TK2: variants seen among roughly 807,000 people sequenced by gnomAD.
The protein encoded by TK2 is thymidine kinase 2, mitochondrial.
Under a neutral mutation model 41.9 loss-of-function variants are expected in TK2, and 35 were observed. The observed-to-expected ratio is 0.84, with a 90% CI of 0.64 to 1.11. The LOEUF (loss-of-function observed/expected upper bound fraction) is 1.11, where lower values mean the gene tolerates loss of function less well. Among genes scored for constraint, TK2 ranks in the 50% least tolerant of loss-of-function variants. The pLI is 0.00. For synonymous variants in TK2, 128 were observed against 129.1 expected (o/e 0.99, Z 0.06); for missense variants, 320 against 351.1 (o/e 0.91, Z 0.71).
At chr16:66,531,259 G>C in intron 5 of TK2, 121 bp downstream of exon 5, 1 of 944,312 alleles carries the variant, frequency 1.1e-6, no homozygotes, top group South Asian at 1.4e-5. Context: ...CACACAGAGA[G>C]GCCTGCACAG....
In TK2 at chr16:66,533,876, T is replaced by C. The variant is rs184387597; in HGVS notation, c.286-2407A>G. On this transcript the variant is annotated intron_variant, in intron 4 of 9. Transcript: ENST00000544898. ...ACAAAAAATTAGCCAGGTGTGGTGGTGGGCGCCTGTAGTCCCAGCTACTCG... is the reference window on the plus strand; with the variant it reads ...ACAAAAAATTAGCCAGGTGTGGTGGCGGGCGCCTGTAGTCCCAGCTACTCG... Among the ~76,000 whole-genome samples the C allele has an allele frequency of 2.9e-3, 447 of 151,590 alleles. 2 individuals are homozygous for C. The highest frequency in any genetic ancestry group is 5.3e-3 in the Admixed American group (81 of 15,230).
rs187517309 is a variant in TK2, at chr16:66,541,869, G to A, written c.231+10C>T. ...CTCCGCTTCCTTCAAACCTAGCATA[G>A]AGGCTGTACCTCGACGTCTGTCGCG... On this transcript the variant is annotated intron_variant, in intron 3 of 9. Coordinates refer to ENST00000544898, the MANE Select transcript of TK2 (RefSeq NM_004614.5). 11,929 of 1,613,988 alleles carry A rather than the reference G, an allele frequency of 7.4e-3. 75 individuals carry two copies. The highest frequency in any genetic ancestry group is 9.0e-3 in the Non-Finnish European group (10,662 of 1,179,892).
In TK2 at chr16:66,531,441, C is replaced by T. The variant is rs761860999; in HGVS notation, c.314G>A (p.Trp105Ter). 1.9e-6 allele frequency: 3 copies of T among 1,614,204 alleles called. No individual in the cohort carries two copies. Among genetic ancestry groups the T allele is most frequent in the Non-Finnish European group, 2.5e-6 (3 of 1,180,042 alleles). Residue 105 changes from tryptophan to a stop codon, truncating the protein, a stop_gained, in exon 5 of 10, where the codon TGG (tryptophan) becomes TAG (stop). Transcript: ENST00000544898. LOFTEE classifies it high-confidence loss of function. ...CACATAAGTCTGTAGCGTAAGACCC[C>T]AGCGAGAGGCATCGTGGTACATCAG... is the stretch of plus-strand genomic sequence containing the variant. ...LGLMYHDASR[W>*]GLTLQTYVQL...
chr16:66,514,668 G>A lies in TK2; in HGVS notation c.619-857C>T, dbSNP rs1490890367. ...GCCCGGCCACCACCCCGTCTGGGAG[G>A]TGTACCCAATAGCTCATTGAGAACG... On this transcript the variant is annotated intron_variant, in intron 8 of 9. Coordinates refer to ENST00000544898, the MANE Select transcript of TK2 (RefSeq NM_004614.5). The surrounding 1 kb of genome is among the most constrained non-coding windows in gnomAD (Gnocchi z 4.2). Among the ~76,000 whole-genome samples, 1 of 151,686 alleles carries A rather than the reference G, an allele frequency of 6.6e-6. No homozygotes were observed. Among genetic ancestry groups the A allele is most frequent in the Non-Finnish European group, 1.5e-5 (1 of 67,846 alleles).
At chr16:66,520,772 C>G (rs998803149) in intron 6 of TK2, among the ~76,000 whole-genome samples, 2 of 152,184 alleles carry the variant, frequency 1.3e-5, no homozygotes, top group African/African-American at 4.8e-5. Flanking sequence ...TTCAGGCTAC[C>G]CTGAGTTGGG....
intron 2 of TK2, among the ~76,000 whole-genome samples, chr16:66,542,193 C>G (rs187135616): frequency 6.6e-6 from 1 of 152,260 alleles, no homozygotes; most frequent in African/African-American, 2.4e-5. Context: ...TCCTCCTTTA[C>G]GTCAACTCCT....
chr16:66,531,384 G>A lies in TK2; in HGVS notation c.371C>T (p.Pro124Leu). The A allele has an allele frequency of 6.2e-7, 1 of 1,614,156 alleles. No homozygotes were observed. Among genetic ancestry groups the A allele is most frequent in the South Asian group, 1.1e-5 (1 of 91,084 alleles). Residue 124 changes from proline (P) to leucine (L), a missense_variant, in exon 5 of 10, where the codon CCT becomes CTT. By Grantham distance (98) the Pro-to-Leu change is moderately conservative. Coordinates refer to ENST00000544898, the MANE Select transcript of TK2 (RefSeq NM_004614.5). ...QLTMLDRHTR[P>L]QVSSVRLMER... ...AACTGAGCATCTGAAACCTACCTGA[G>A]GACGAGTATGCCTGTCCAGCATGGT...
rs1437751430 is a variant in TK2 at position 66,508,629 on chromosome 16, G to C, written c.*3339C>G. The C allele has an allele frequency of 1.3e-5, 2 of 152,240 alleles. No individual in the cohort carries two copies. The highest frequency in any genetic ancestry group is 2.9e-5 in the Non-Finnish European group (2 of 68,060). The allele number at this position is 152,240 out of a possible 1,614,324, so 9.4% of individuals were successfully genotyped here. On this transcript the variant is annotated 3_prime_UTR_variant, in exon 10 of 10. Transcript: ENST00000544898. ...TTCCATAGCACCCTGTGGGTAGACA[G>C]GTTTCAGGACCACCTTTTACCTGCT...
chr16:66,522,460 C>T (rs567024796), intron 6 of TK2, among the ~76,000 whole-genome samples: 6 of 152,244 alleles, frequency 3.9e-5, no homozygotes, highest in Non-Finnish European at 8.8e-5. Context: ...TCTTGTAAAA[C>T]CTTTGCTTCC....
chr16:66,546,049 T>C (rs75643394), intron 2 of TK2, among the ~76,000 whole-genome samples: 132 of 151,908 alleles, frequency 8.7e-4, no homozygotes, highest in African/African-American at 3.0e-3. Flanking sequence ...GGGCAACATG[T>C]AGAAATCCCA....
chr16:66,549,813 G>A (rs868060176), intron 1 of TK2, 125 bp downstream of exon 1: 1 of 1,287,374 alleles, frequency 7.8e-7, no homozygotes, highest in Middle Eastern at 2.9e-4. Flanking sequence ...CCCAGCCGCA[G>A]CCGGGGAGGA....
chr16:66,531,304 T>G, intron 5 of TK2, 76 bp downstream of exon 5: 1 of 1,444,320 alleles, frequency 6.9e-7, no homozygotes, highest in Non-Finnish European at 9.7e-7. Context: ...TTGTAAAGTT[T>G]CCCTTCCTGG....
In TK2 at chr16:66,528,982, A is replaced by C; in HGVS notation, c.449+12T>G. ...TGGTTTAATAAATTATCAACTATTC[A>C]AACTACAGTACCTTCTATACAGGTT... On this transcript the variant is annotated intron_variant, in intron 6 of 9. Coordinates refer to ENST00000544898, the MANE Select transcript of TK2 (RefSeq NM_004614.5). 1.2e-6 allele frequency: 2 copies of C among 1,613,214 alleles called. No homozygotes were observed. Among genetic ancestry groups the C allele is most frequent in the Non-Finnish European group, 1.7e-6 (2 of 1,179,244 alleles).
chr16:66,511,823 A>G lies in TK2; in HGVS notation c.*145T>C, dbSNP rs571012522. On this transcript the variant is annotated 3_prime_UTR_variant, in exon 10 of 10. Coordinates refer to ENST00000544898, the MANE Select transcript of TK2 (RefSeq NM_004614.5). ...AGGGCCAGAGACGCATGACAAAGAC[A>G]CTAGCAAAGGAGATGAGACCATTAG... is the stretch of plus-strand genomic sequence containing the variant. 2.1e-4 allele frequency: 155 copies of G among 731,252 alleles called. No homozygotes were observed. The African/African-American group carries it at 2.4e-3, about 11-fold the overall frequency. The allele number at this position is 731,252 out of a possible 1,614,324, so 45.3% of individuals were successfully genotyped here.
intron 6 of TK2, 130 bp from the exon 7 acceptor site, chr16:66,518,007 G>A (rs555408897): frequency 2.8e-5 from 22 of 781,338 alleles, no homozygotes; most frequent in Admixed American, 2.3e-4. Context: ...AGTGTGATCC[G>A]TGCAATACTG....
intron 8 of TK2, among the ~76,000 whole-genome samples, chr16:66,515,591 C>T (rs994552394): frequency 3.3e-5 from 5 of 152,240 alleles, no homozygotes; most frequent in African/African-American, 1.2e-4. Context: ...CTGCCCAGCT[C>T]TCCCTTGGCA....
rs199680222 is a variant in TK2, at chr16:66,541,388, A to ATG, written c.231+489_231+490dup. Among the ~76,000 whole-genome samples the ATG allele has an allele frequency of 6.7e-3, 1,025 of 152,298 alleles. 13 individuals carry two copies. Among genetic ancestry groups the ATG allele is most frequent in the African/African-American group, 0.024 (981 of 41,570 alleles). On this transcript the variant is annotated intron_variant, in intron 3 of 9. Transcript: ENST00000544898. ...ATGTTGACATGATCACATTTGGCAT[A>ATG]TGTTATGTGAAATAAAATGTCCTTT...
chr16:66,513,954 CA>C, intron 8 of TK2, 143 bp from the exon 9 acceptor site: 1 of 748,710 alleles, frequency 1.3e-6, no homozygotes, highest in Non-Finnish European at 2.4e-6. Context: ...AAACCTGGCT[CA>C]AGTGGACAGC....
At chr16:66,523,016 AGAGGTGGG>A (rs1156800875) in intron 6 of TK2, among the ~76,000 whole-genome samples, 1 of 152,230 alleles carries the variant, frequency 6.6e-6, no homozygotes, top group Admixed American at 6.5e-5. Flanking sequence ...CAGTGCCAGA[AGAGGTGGG>A]TCTTTTCCCT....
Sources: gnomAD v4.1 joint callset for allele counts (sites outside exome capture counted in the v4.1 genomes callset) on GRCh38, gnomAD v4.1.1 for gene constraint, Gnocchi (gnomAD v3.1) non-coding constraint, MANE v1.5 for transcripts, NCBI Gene and HGNC (gene_info 2026-07-23, HGNC 2026-07-21) for gene names.